BRAF: variants seen among roughly 807,000 people sequenced by gnomAD.
The protein encoded by BRAF is B-Raf proto-oncogene, serine/threonine kinase.
Under a neutral mutation model 104.6 loss-of-function variants are expected in BRAF, and 16 were observed. The observed-to-expected ratio is 0.15, with a 90% CI of 0.10 to 0.23. BRAF has a LOEUF of 0.23. Among genes scored for constraint, BRAF ranks in the 10% least tolerant of loss-of-function variants. BRAF has a pLI of 1.00. For missense variants in BRAF, 541 were observed against 937.3 expected, an observed-to-expected ratio of 0.58 and a Z score of 5.52; for synonymous variants, 310 against 341.6, an observed-to-expected ratio of 0.91 and a Z score of 1.02.
chr7:140,782,130 A>G (rs1443851073), intron 11 of BRAF, among the ~76,000 whole-genome samples: 8 of 152,046 alleles, frequency 5.3e-5, no homozygotes, highest in African/African-American at 1.4e-4. Context: ...TCACTGTTCA[A>G]TTCCCACCTA....
intron 18 of BRAF, among the ~76,000 whole-genome samples, chr7:140,738,017 A>G (rs540799082): frequency 3.3e-5 from 5 of 152,244 alleles, no homozygotes; most frequent in Non-Finnish European, 7.3e-5. Context: ...TAAGAACCCG[A>G]GCACCATGAC....
chr7:140,714,175 C>T, the BRAF span, among the ~76,000 whole-genome samples: 15,590 of 152,174 alleles, frequency 0.1, 855 homozygotes, highest in South Asian at 0.19. Context: ...GCATCGCTCA[C>T]GCTGGGAGCT....
At chr7:140,891,081 G>A (rs539757227) in intron 1 of BRAF, among the ~76,000 whole-genome samples, 1 of 152,260 alleles carries the variant, frequency 6.6e-6, no homozygotes, top group Non-Finnish European at 1.5e-5. Context: ...TACAGTTATA[G>A]GCTCCTATAC....
chr7:140,810,587 CCCTGAA>C (rs1804154745), intron 3 of BRAF, among the ~76,000 whole-genome samples: 2 of 152,002 alleles, frequency 1.3e-5, no homozygotes, highest in South Asian at 4.1e-4. Flanking sequence ...CAAAGAAAAA[CCCTGAA>C]CTTTTACCTA....
At chr7:140,767,759 T>G (rs1799468004) in intron 14 of BRAF, among the ~76,000 whole-genome samples, 1 of 152,180 alleles carries the variant, frequency 6.6e-6, no homozygotes, top group African/African-American at 2.4e-5. Flanking sequence ...GGAGCTGAAG[T>G]ACCTGGGGCA....
chr7:140,763,199 C>G (rs1257936324), intron 14 of BRAF, among the ~76,000 whole-genome samples: 1 of 152,038 alleles, frequency 6.6e-6, no homozygotes, highest in African/African-American at 2.4e-5. Flanking sequence ...GAGAGGCGCC[C>G]CTCACCTCCC....
intron 1 of BRAF, among the ~76,000 whole-genome samples, chr7:140,861,582 T>C (rs1279393506): frequency 1.4e-5 from 2 of 138,502 alleles, no homozygotes; most frequent in African/African-American, 2.7e-5. Context: ...ATCAACGTTC[T>C]AGATTGTTTG....
intron 1 of BRAF, among the ~76,000 whole-genome samples, chr7:140,864,386 G>C (rs183478134): frequency 1.3e-5 from 2 of 152,162 alleles, no homozygotes; most frequent in Non-Finnish European, 2.9e-5. Context: ...GATGCCATGA[G>C]GGAGAGAAAT....
In BRAF at chr7:140,739,950, G is replaced by C. The variant is rs1399365446; in HGVS notation, c.2113-4C>G. On this transcript the variant is annotated splice_polypyrimidine_tract_variant and splice_region_variant and intron_variant, in intron 17 of 19. Transcript: ENST00000644969. Reference sequence around the variant, plus strand: ...CTCGTCCCACCATAAAAATTATCTGGAGAGAGAAAAAAAAGGGAAATAATT... The same window carrying C: ...CTCGTCCCACCATAAAAATTATCTGCAGAGAGAAAAAAAAGGGAAATAATT... 2 of 1,611,610 alleles carry C rather than the reference G, an allele frequency of 1.2e-6. No individual in the cohort carries two copies. Among genetic ancestry groups the C allele is most frequent in the Non-Finnish European group, 1.7e-6 (2 of 1,179,138 alleles).
chr7:140,830,651 C>CT (rs1806624247), intron 3 of BRAF, among the ~76,000 whole-genome samples: 1 of 152,132 alleles, frequency 6.6e-6, no homozygotes, highest in African/African-American at 2.4e-5. Context: ...CCACCAACCT[C>CT]TGAGAAGTGG....
chr7:140,830,794 A>G (rs928611294), intron 3 of BRAF, among the ~76,000 whole-genome samples: 1 of 152,180 alleles, frequency 6.6e-6, no homozygotes, highest in African/African-American at 2.4e-5. Flanking sequence ...GATGCTCCTA[A>G]AGAGAGCACA....
chr7:140,747,400 T>G (rs183295872), intron 17 of BRAF: 57 of 1,286,360 alleles, frequency 4.4e-5, no homozygotes, highest in Admixed American at 4.2e-4. Flanking sequence ...TCATGGAGAG[T>G]AAGCCCTTGC....
At position 140,806,684 on chromosome 7, in the gene BRAF, A is replaced by C. The variant is rs142974336; in HGVS notation, c.711+1276T>G. Among the ~76,000 whole-genome samples the C allele has an allele frequency of 2.1e-4, 32 of 152,348 alleles. No homozygotes were observed. The East Asian group carries it at 5.8e-3, about 28-fold the overall frequency. On this transcript the variant is annotated intron_variant, in intron 5 of 19. Transcript: ENST00000644969. Reference sequence around the variant, plus strand: ...GCTCAACTGTATTTGTATTCTTAAGAACTTAAATAAAAATGTTAAGATTTA... The same window carrying C: ...GCTCAACTGTATTTGTATTCTTAAGCACTTAAATAAAAATGTTAAGATTTA...
At chr7:140,822,739 T>C (rs1586292456) in intron 3 of BRAF, among the ~76,000 whole-genome samples, 1 of 152,236 alleles carries the variant, frequency 6.6e-6, no homozygotes, top group South Asian at 2.1e-4. Context: ...AACATTCGTA[T>C]ACAAATCTTT....
intron 3 of BRAF, among the ~76,000 whole-genome samples, chr7:140,830,144 T>A (rs990546726): frequency 6.6e-6 from 1 of 152,208 alleles, no homozygotes; most frequent in African/African-American, 2.4e-5. Flanking sequence ...TCAAACTGAT[T>A]TGGCTTCAAG....
At chr7:140,777,859 C>CA in intron 13 of BRAF, 132 bp downstream of exon 12, 1 of 909,388 alleles carries the variant, frequency 1.1e-6, no homozygotes, top group South Asian at 1.4e-5. Flanking sequence ...AAAATATACT[C>CA]AGACATACTC....
At chr7:140,864,821 G>A (rs1052017520) in intron 1 of BRAF, among the ~76,000 whole-genome samples, 8 of 152,108 alleles carry the variant, frequency 5.3e-5, no homozygotes, top group African/African-American at 1.4e-4. Context: ...GAATTTAATC[G>A]AGGGGAGAAG....
chr7:140,756,541 CA>C (rs3216495), intron 14 of BRAF, among the ~76,000 whole-genome samples: 6 of 143,812 alleles, frequency 4.2e-5, no homozygotes, highest in South Asian at 4.4e-4. Context: ...TGGAAAATGC[CA>C]AAAAAAAAAC....
At chr7:140,742,373 T>C (rs1264022563) in intron 17 of BRAF, among the ~76,000 whole-genome samples, 1 of 151,838 alleles carries the variant, frequency 6.6e-6, no homozygotes, top group Non-Finnish European at 1.5e-5. Flanking sequence ...TCCATTTTTT[T>C]AGTAGAGATG....
Sources: allele counts gnomAD v4.1 joint callset (sites outside exome capture counted in the v4.1 genomes callset), GRCh38; gene constraint gnomAD v4.1.1; transcripts MANE v1.5; gene names NCBI Gene and HGNC (gene_info 2026-07-23, HGNC 2026-07-21).